Variants in ANKRD30B observed in about 807,000 individuals in gnomAD.
ANKRD30B encodes the protein ankyrin repeat domain-containing protein 30B.
A neutral mutation model predicts 202.2 loss-of-function variants in ANKRD30B; 144 were observed. The observed-to-expected ratio is 0.71, with a 90% CI of 0.62 to 0.82. The LOEUF is 0.82. ANKRD30B is among the 40% of genes least tolerant of loss of function. The pLI, the probability that ANKRD30B is intolerant of heterozygous loss-of-function variation, is 0.00. For synonymous variants in ANKRD30B, 508 were observed against 561.3 expected (o/e 0.91, Z 1.34); for missense variants, 1,487 against 1,669.1 (o/e 0.89, Z 1.90).
At chr18:14,844,000 TA>T (rs1971531011) in intron 39 of ANKRD30B, among the ~76,000 whole-genome samples, 1 of 152,206 alleles carries the variant, frequency 6.6e-6, no homozygotes, top group African/African-American at 2.4e-5. Context: ...CGGTCATAGA[TA>T]ATATGTAGAA....
In ANKRD30B at chr18:14,799,501, C is replaced by T. The variant is rs182142297; in HGVS notation, c.2131+206C>T. ...GGATTTAGAAAAAAATTCTGCTTTA[C>T]TTCATGTGGTTCTTCTTTAATATCC... is the stretch of plus-strand genomic sequence containing the variant. On this transcript the variant is annotated intron_variant, in intron 22 of 43. Coordinates refer to ENST00000690538, the MANE Select transcript of ANKRD30B (RefSeq NM_001367607.2). 3.2e-4 allele frequency among the ~76,000 whole-genome samples: 48 copies of T among 152,180 alleles called. 1 individual carries two copies. The highest frequency in any genetic ancestry group is 4.3e-4 in the Non-Finnish European group (29 of 67,978).
chr18:14,754,063 G>T (rs1463417975), intron 3 of ANKRD30B, among the ~76,000 whole-genome samples: 3 of 152,070 alleles, frequency 2.0e-5, no homozygotes, highest in Non-Finnish European at 4.4e-5. Context: ...TAATAGCCGA[G>T]AAAAAATTCT....
chr18:14,810,886 G>A (rs1046598264), intron 28 of ANKRD30B, among the ~76,000 whole-genome samples: 1 of 151,192 alleles, frequency 6.6e-6, no homozygotes, highest in Admixed American at 6.6e-5. Flanking sequence ...GACCAAGGTG[G>A]GCAGATTACT....
intron 1 of ANKRD30B, 62 bp downstream of exon 1, chr18:14,748,702 C>G: frequency 7.0e-7 from 1 of 1,434,704 alleles, no homozygotes; most frequent in Admixed American, 2.6e-5. Flanking sequence ...AGGATCGCCC[C>G]TTCAGAGTGG....
chr18:14,774,666 A>T (rs1967236886), intron 9 of ANKRD30B, among the ~76,000 whole-genome samples: 1 of 152,182 alleles, frequency 6.6e-6, no homozygotes, highest in Non-Finnish European at 1.5e-5. Flanking sequence ...ATTAAAAACT[A>T]AACTTTCATA....
At chr18:14,785,764 G>A (rs1302772819) in intron 14 of ANKRD30B, among the ~76,000 whole-genome samples, 6 of 152,178 alleles carry the variant, frequency 3.9e-5, no homozygotes, top group Non-Finnish European at 8.8e-5. Context: ...TGAGATCACA[G>A]GTTAAATTTA....
chr18:14,865,214 C>G, the ANKRD30B span, among the ~76,000 whole-genome samples: 1 of 151,670 alleles, frequency 6.6e-6, no homozygotes, highest in African/African-American at 2.4e-5. Flanking sequence ...TCACTTTCCT[C>G]CTCGCCACCC....
intron 39 of ANKRD30B, among the ~76,000 whole-genome samples, chr18:14,847,053 TATATATATATATATATATATATATA>T (rs1568072739): frequency 7.7e-4 from 11 of 14,242 alleles, no homozygotes; most frequent in Non-Finnish European, 1.3e-3. Flanking sequence ...TTTAGTTTTA[TATATATATATATATATATATATATA>T]TATATATATA....
chr18:14,837,543 G>A, intron 35 of ANKRD30B, 72 bp from the exon 36 acceptor site: 3 of 1,195,920 alleles, frequency 2.5e-6, no homozygotes, highest in Non-Finnish European at 3.4e-6. Context: ...AATGGAAATA[G>A]ATTTGTATAT....
chr18:14,838,246 A>G (rs1186230711), intron 36 of ANKRD30B, among the ~76,000 whole-genome samples: 1 of 152,028 alleles, frequency 6.6e-6, no homozygotes, highest in Non-Finnish European at 1.5e-5. Context: ...CTCCACATTC[A>G]TTTATGAGCA....
At chr18:14,819,047 T>C (rs1380666844) in intron 30 of ANKRD30B, among the ~76,000 whole-genome samples, 1 of 152,178 alleles carries the variant, frequency 6.6e-6, no homozygotes, top group East Asian at 1.9e-4. Flanking sequence ...TTTTAATGAT[T>C]GCCATTCTAA....
chr18:14,934,956 G>A, the ANKRD30B span, among the ~76,000 whole-genome samples: 7 of 147,106 alleles, frequency 4.8e-5, no homozygotes, highest in South Asian at 2.2e-4. Flanking sequence ...ACACCCCATC[G>A]TGTCTGCAGT....
the ANKRD30B span, among the ~76,000 whole-genome samples, chr18:14,906,579 A>T: frequency 6.6e-6 from 1 of 152,204 alleles, no homozygotes; most frequent in East Asian, 1.9e-4. Context: ...TGTGCATATA[A>T]AGAAAAGTCT....
chr18:14,756,063 C>T (rs1408537365), intron 4 of ANKRD30B, among the ~76,000 whole-genome samples: 5 of 152,180 alleles, frequency 3.3e-5, no homozygotes, highest in Admixed American at 2.6e-4. Flanking sequence ...TCTCCAGCAC[C>T]TGTTGTTTCC....
At chr18:14,940,980 C>G in the ANKRD30B span, among the ~76,000 whole-genome samples, 2 of 152,120 alleles carry the variant, frequency 1.3e-5, no homozygotes, top group Non-Finnish European at 2.9e-5. Context: ...CCCACAGCAC[C>G]TGAGCTTAGG....
intron 22 of ANKRD30B, among the ~76,000 whole-genome samples, chr18:14,799,546 A>G (rs1403707965): frequency 3.9e-5 from 6 of 152,034 alleles, no homozygotes; most frequent in Non-Finnish European, 7.4e-5. Flanking sequence ...AAAGTTTCCA[A>G]TTTGCAATTT....
At position 14,799,143 on chromosome 18, in the gene ANKRD30B, T is replaced by C. The variant is rs573142419; in HGVS notation, c.2058+14T>C. 7.6e-5 allele frequency: 121 copies of C among 1,586,944 alleles called. 2 individuals are homozygous for C. In the South Asian group the frequency reaches 1.3e-3, roughly 16 times the overall value. Reference sequence around the variant, plus strand: ...GGTCTTCTGAAGGTAATAACTTTTATATTTTTATCTTGAATATTACCTACA... The same window carrying C: ...GGTCTTCTGAAGGTAATAACTTTTACATTTTTATCTTGAATATTACCTACA... On this transcript the variant is annotated intron_variant, in intron 21 of 43. Coordinates refer to ENST00000690538, the MANE Select transcript of ANKRD30B (RefSeq NM_001367607.2).
rs551853656 is a variant in ANKRD30B, at chr18:14,778,017, G to A, written c.1362G>A (p.Thr454=). 19 of 1,548,462 alleles carry A rather than the reference G, an allele frequency of 1.2e-5. No homozygotes were observed. The East Asian group carries it at 1.7e-4, about 14-fold the overall frequency. ...IISKSAAQNY[T]CLPDATYQKD... ...CTAAGAGTGCTGCACAGAATTATACGTGTTTACCTGATGCTACATATCAAA... is the reference window on the plus strand; with the variant it reads ...CTAAGAGTGCTGCACAGAATTATACATGTTTACCTGATGCTACATATCAAA... The change falls in exon 10 of 44, where the codon ACG becomes ACA. Residue 454 remains threonine, a synonymous_variant. Coordinates refer to ENST00000690538, the MANE Select transcript of ANKRD30B (RefSeq NM_001367607.2).
chr18:14,929,223 C>T, the ANKRD30B span, among the ~76,000 whole-genome samples: 1 of 152,302 alleles, frequency 6.6e-6, no homozygotes, highest in East Asian at 1.9e-4. Context: ...CTTTCTCTTG[C>T]CTGAAATGCC....
Sources: allele counts gnomAD v4.1 joint callset (sites outside exome capture counted in the v4.1 genomes callset), GRCh38; gene constraint gnomAD v4.1.1; transcripts MANE v1.5; gene names NCBI Gene and HGNC (gene_info 2026-07-23, HGNC 2026-07-21).